SDF4: variants seen among roughly 807,000 people sequenced by gnomAD.
SDF4 encodes stromal cell derived factor 4.
A neutral mutation model predicts 34.2 loss-of-function variants in SDF4; 22 were observed. That is an observed-to-expected ratio of 0.64 (90% CI 0.46 to 0.92). The LOEUF is 0.92. Ranked by LOEUF, SDF4 falls within the 40% of genes least tolerant of loss-of-function variation. The pLI is 0.00. For synonymous variants in SDF4, 236 were observed against 203.1 expected, an observed-to-expected ratio of 1.16 and a Z score of -1.38; for missense variants, 447 against 499.9, an observed-to-expected ratio of 0.89 and a Z score of 1.01.
rs138311863 is a variant in SDF4 at position 1,217,232 on chromosome 1, G to A, written c.*280C>T. ...GGCAGAGTGACTGAAGCGAGATTTC[G>A]TTCTCAGAAGTGAGATGCCACGATT... On this transcript the variant is annotated 3_prime_UTR_variant, in exon 7 of 7. Coordinates refer to ENST00000360001, the MANE Select transcript of SDF4 (RefSeq NM_016176.6). This position sits in a 1 kb window ranked among gnomAD's most constrained non-coding sequence, Gnocchi z 8.5. 4.3e-3 allele frequency: 743 copies of A among 172,772 alleles called. 4 individuals carry two copies. The highest frequency in any genetic ancestry group is 0.016 in the African/African-American group (688 of 41,956). 10.7% of individuals were successfully genotyped at this position (172,772 alleles called of 1,614,324 possible). A position where few individuals can be genotyped will look rare whatever the true frequency, so the allele number is the denominator to read the frequency against.
chr1:1,223,984 TG>T lies in SDF4; in HGVS notation c.306-17del. ...CACATCCACCCTGCAAGACAGCAAA[TG>T]GGCAGGTGGCCGTCAGACTGGGCCC... On this transcript the variant is annotated splice_polypyrimidine_tract_variant and intron_variant, in intron 2 of 6. Transcript: ENST00000360001. 6.2e-7 allele frequency: 1 copy of T among 1,608,232 alleles called. No individual in the cohort carries two copies.
chr1:1,228,302 G>A (rs1188221115), intron 2 of SDF4, among the ~76,000 whole-genome samples, 166 bp downstream of exon 2: 7 of 152,364 alleles, frequency 4.6e-5, no homozygotes, highest in East Asian at 1.9e-4. Flanking sequence ...GCAGGCCTCC[G>A]CGCAAACACA....
chr1:1,224,043 G>A lies in SDF4; in HGVS notation c.306-75C>T, dbSNP rs575621933. 652 of 1,584,218 alleles carry A rather than the reference G, an allele frequency of 4.1e-4. 1 individual carries two copies. The African/African-American group carries it at 6.8e-3, about 17-fold the overall frequency. Reference sequence around the variant, plus strand: ...CCCGAACAGCCAGACGGATGCCGCCGGCCCAGGACTCCATGGCTGCGTGAA... The same window carrying A: ...CCCGAACAGCCAGACGGATGCCGCCAGCCCAGGACTCCATGGCTGCGTGAA... On this transcript the variant is annotated intron_variant, in intron 2 of 6. Transcript: ENST00000360001.
rs1459943884 is a variant in SDF4 at position 1,218,935 on chromosome 1, G to A, written c.557-8C>T. 2 of 1,610,106 alleles carry A rather than the reference G, an allele frequency of 1.2e-6. No individual in the cohort carries two copies. Among genetic ancestry groups the A allele is most frequent in the African/African-American group, 1.3e-5 (1 of 74,882 alleles). On this transcript the variant is annotated splice_polypyrimidine_tract_variant and splice_region_variant and intron_variant, in intron 4 of 6. Coordinates refer to ENST00000360001, the MANE Select transcript of SDF4 (RefSeq NM_016176.6). The surrounding 1 kb of genome is among the most constrained non-coding windows in gnomAD (Gnocchi z 7.9). Reference sequence around the variant, plus strand: ...TCTCCAGGACTTCCTGTGCTGAGAGGGGCGCAGCCTGTGGGTATCGAGGCC... The same window carrying A: ...TCTCCAGGACTTCCTGTGCTGAGAGAGGCGCAGCCTGTGGGTATCGAGGCC...
chr1:1,227,579 G>C (rs2100983932), intron 2 of SDF4, among the ~76,000 whole-genome samples: 1 of 152,336 alleles, frequency 6.6e-6, no homozygotes, highest in East Asian at 1.9e-4. Context: ...TCGGCTCCCT[G>C]CCCGGCACCC....
chr1:1,219,959 GA>G, intron 4 of SDF4: 1 of 985,704 alleles, frequency 1.0e-6, no homozygotes, highest in African/African-American at 1.7e-5. Context: ...TCACTTAAAG[GA>G]AGACAGGAGT....
In SDF4 at chr1:1,218,461, C is replaced by T. The variant is rs778498530; in HGVS notation, c.888G>A (p.Leu296=). Residue 296 remains leucine (L), a synonymous_variant, in exon 6 of 7, where the codon CTG becomes CTA. Coordinates refer to ENST00000360001, the MANE Select transcript of SDF4 (RefSeq NM_016176.6). This position sits in a 1 kb window ranked among gnomAD's most constrained non-coding sequence, Gnocchi z 7.9. ...ACACGGCTGCGCCAGGGCTCACCTC[C>T]AGCTCCTCGGCGGTCACGATGCCGT... ...NHDGIVTAEE[L]ESYMDPMNEY... 2 of 1,610,956 alleles carry T rather than the reference C, an allele frequency of 1.2e-6. No homozygotes were observed. The highest frequency in any genetic ancestry group is 4.5e-5 in the East Asian group (2 of 44,882).
rs745351256 is a variant in SDF4, at chr1:1,217,715, C to G, written c.892-27G>C. 4 of 1,612,506 alleles carry G rather than the reference C, an allele frequency of 2.5e-6. No individual in the cohort carries two copies. The African/African-American group carries it at 5.3e-5, about 22-fold the overall frequency. Reference sequence around the variant, plus strand: ...TGCGGGCGAGCGGGGCACAGGTCAGCGTCGCCTTTCCCCCTCCGAGCTCCG... The same window carrying G: ...TGCGGGCGAGCGGGGCACAGGTCAGGGTCGCCTTTCCCCCTCCGAGCTCCG... On this transcript the variant is annotated intron_variant, in intron 6 of 6. Coordinates refer to ENST00000360001, the MANE Select transcript of SDF4 (RefSeq NM_016176.6). This position sits in a 1 kb window ranked among gnomAD's most constrained non-coding sequence, Gnocchi z 8.5.
intron 2 of SDF4, among the ~76,000 whole-genome samples, chr1:1,226,012 G>A (rs1188106756): frequency 6.6e-6 from 1 of 152,232 alleles, no homozygotes; most frequent in East Asian, 1.9e-4. Flanking sequence ...CGTGAACAGG[G>A]CTGGCAGAAC....
At position 1,220,016 on chromosome 1, in the gene SDF4, G is replaced by A. The variant is rs963840312; in HGVS notation, c.557-1089C>T. ...GGCACCCCTCCCTGTCTGCTCCACC[G>A]CAGCTCCTGGGATGGATGGACGGGG... On this transcript the variant is annotated intron_variant, in intron 4 of 6. Transcript: ENST00000360001. 16 of 985,600 alleles carry A rather than the reference G, an allele frequency of 1.6e-5. No individual in the cohort carries two copies. In the East Asian group the frequency reaches 3.4e-4, roughly 21 times the overall value. The allele number at this position is 985,600 out of a possible 1,614,324, so 61.1% of individuals were successfully genotyped here.
chr1:1,217,724 T>C lies in SDF4; in HGVS notation c.892-36A>G. 6.2e-7 allele frequency: 1 copy of C among 1,611,908 alleles called. No individual in the cohort carries two copies. The highest frequency in any genetic ancestry group is 8.5e-7 in the Non-Finnish European group (1 of 1,179,262). ...GCGGGGCACAGGTCAGCGTCGCCTT[T>C]CCCCCTCCGAGCTCCGCGGCCAGCC... On this transcript the variant is annotated intron_variant, in intron 6 of 6. Transcript: ENST00000360001. This position sits in a 1 kb window ranked among gnomAD's most constrained non-coding sequence, Gnocchi z 8.5.
Position 1,217,502 on chromosome 1 carries a change from GGCC to G in SDF4, c.*7_*9del. 1 of 1,557,624 alleles carries G rather than the reference GGCC, an allele frequency of 6.4e-7. No individual in the cohort carries two copies. Among genetic ancestry groups the G allele is most frequent in the African/African-American group, 1.4e-5 (1 of 72,848 alleles). On this transcript the variant is annotated 3_prime_UTR_variant, in exon 7 of 7. Transcript: ENST00000360001. The surrounding 1 kb of genome is among the most constrained non-coding windows in gnomAD (Gnocchi z 8.5). Reference sequence around the variant, plus strand: ...GTGCGTGGGGGGCGGCGCGGGGCGCGGCCGGGCGCTCAAAACTCCTCGTGCACG... The same window carrying G: ...GTGCGTGGGGGGCGGCGCGGGGCGCGGGGCGCTCAAAACTCCTCGTGCACG...
Position 1,217,278 on chromosome 1 carries a change from C to T in SDF4, c.*234G>A, listed in dbSNP as rs368841358. ...CGATTTCGAGGGACCAGGGAGGAGG[C>T]GGCGCCGCGGGGCCACAGCCCAGCC... is the stretch of plus-strand genomic sequence containing the variant. On this transcript the variant is annotated 3_prime_UTR_variant, in exon 7 of 7. Transcript: ENST00000360001. The surrounding 1 kb of genome is among the most constrained non-coding windows in gnomAD (Gnocchi z 8.5). The T allele has an allele frequency of 3.1e-4, 62 of 200,392 alleles. No homozygotes were observed. The highest frequency in any genetic ancestry group is 5.7e-4 in the South Asian group (3 of 5,258). The allele number at this position is 200,392 out of a possible 1,614,324, so 12.4% of individuals were successfully genotyped here.
rs148002594 is a variant in SDF4, at chr1:1,223,850, C to G, written c.424G>C (p.Val142Leu). The G allele has an allele frequency of 6.2e-7, 1 of 1,600,848 alleles. No homozygotes were observed. Among genetic ancestry groups the G allele is most frequent in the Non-Finnish European group, 8.5e-7 (1 of 1,178,354 alleles). The change falls in exon 3 of 7, where the codon GTG becomes CTG. Residue 142 changes from valine (V) to leucine (L), a missense_variant. By Grantham distance (32) the Val-to-Leu change is conservative. Coordinates refer to ENST00000360001, the MANE Select transcript of SDF4 (RefSeq NM_016176.6). ...ACAGTACCGTCCCCGTCAGGGTCCA[C>G]GGCGCGGAAGTGTGTCTTGCTCTCC... ...MEESKTHFRA[V>L]DPDGDGHVSW...
chr1:1,228,152 CT>C (rs1638371379), intron 2 of SDF4, among the ~76,000 whole-genome samples: 3 of 152,354 alleles, frequency 2.0e-5, no homozygotes, highest in Non-Finnish European at 2.9e-5. Flanking sequence ...GCGTCTGCCC[CT>C]CAGCATGGAG....
Position 1,226,869 on chromosome 1 carries a change from C to A in SDF4, c.305+1599G>T, listed in dbSNP as rs191941345. 4.6e-5 allele frequency among the ~76,000 whole-genome samples: 7 copies of A among 152,328 alleles called. No individual in the cohort carries two copies. In the East Asian group the frequency reaches 1.3e-3, roughly 29 times the overall value. ...GCACCGGCTGAGCAGGGACGGGGAC[C>A]CTTCCCCTGTGATGCCGCGAGCCAG... On this transcript the variant is annotated intron_variant, in intron 2 of 6. Coordinates refer to ENST00000360001, the MANE Select transcript of SDF4 (RefSeq NM_016176.6).
intron 4 of SDF4, chr1:1,220,956 G>A: frequency 5.4e-6 from 2 of 367,432 alleles, no homozygotes; most frequent in East Asian, 7.5e-5. Context: ...TGGAAAGGAA[G>A]TAATAACGTC....
intron 2 of SDF4, 75 bp downstream of exon 2, chr1:1,228,393 C>G: frequency 6.9e-7 from 1 of 1,457,182 alleles, no homozygotes; most frequent in South Asian, 1.4e-5. Flanking sequence ...CCCCCCACCG[C>G]GCAAAGCCAG....
At chr1:1,224,864 G>A (rs1638245789) in intron 2 of SDF4, among the ~76,000 whole-genome samples, 1 of 152,186 alleles carries the variant, frequency 6.6e-6, no homozygotes, top group South Asian at 2.1e-4. Flanking sequence ...AGTGAACTGT[G>A]ATCACACCAC....
Sources: gnomAD v4.1 joint callset for allele counts (sites outside exome capture counted in the v4.1 genomes callset) on GRCh38, gnomAD v4.1.1 for gene constraint, Gnocchi (gnomAD v3.1) non-coding constraint, MANE v1.5 for transcripts, NCBI Gene and HGNC (gene_info 2026-07-23, HGNC 2026-07-21) for gene names.